Variants in RAD51B observed in about 807,000 individuals in gnomAD.
The protein encoded by RAD51B is DNA repair protein RAD51 homolog 2.
In RAD51B, 38 loss-of-function variants were observed where a neutral mutation model predicts 42.2. The ratio of observed to expected loss-of-function variants is 0.90; its 90% CI spans 0.70 to 1.18. The LOEUF (loss-of-function observed/expected upper bound fraction) is 1.18, where lower values mean the gene tolerates loss of function less well. Among genes scored for constraint, RAD51B ranks in the 50% most tolerant of loss-of-function variants. The probability of loss-of-function intolerance (pLI) is 0.00; values close to 1 mark genes in which losing one functional copy is unlikely to be tolerated. For synonymous variants in RAD51B, 154 were observed against 145.2 expected (o/e 1.06, Z -0.43); for missense variants, 373 against 400.7 (o/e 0.93, Z 0.59).
At chr14:68,406,415 A>G (rs1185297324) in intron 8 of RAD51B, among the ~76,000 whole-genome samples, 2 of 148,952 alleles carry the variant, frequency 1.3e-5, no homozygotes, top group African/African-American at 5.2e-5. Flanking sequence ...GGAACACAGT[A>G]GTAAGTATTT....
exon 11 of RAD51B, chr14:68,595,581 T>C: frequency 9.4e-7 from 1 of 1,066,662 alleles, no homozygotes; most frequent in Non-Finnish European, 1.1e-6. Context: ...AAGTGACTTA[T>C]GACCAGAACA....
intron 7 of RAD51B, among the ~76,000 whole-genome samples, chr14:67,931,691 A>G (rs974628319): frequency 7.9e-5 from 12 of 151,522 alleles, no homozygotes; most frequent in African/African-American, 2.7e-4. Context: ...TTTAGTAGAG[A>G]TGGGTTTCAC....
intron 4 of RAD51B, among the ~76,000 whole-genome samples, chr14:67,864,616 T>C (rs78320382): frequency 0.039 from 5,981 of 152,308 alleles, 303 homozygotes; most frequent in African/African-American, 0.12. Context: ...TTAAAGACTC[T>C]TAAATATTTT....
At chr14:68,153,854 C>A (rs1192140776) in intron 7 of RAD51B, among the ~76,000 whole-genome samples, 1 of 152,162 alleles carries the variant, frequency 6.6e-6, no homozygotes, top group East Asian at 1.9e-4. Flanking sequence ...GAAACTCACA[C>A]ACTATGAGGT....
chr14:68,020,161 G>A (rs1024526675), intron 7 of RAD51B, among the ~76,000 whole-genome samples: 2 of 152,104 alleles, frequency 1.3e-5, no homozygotes, highest in Non-Finnish European at 2.9e-5. Context: ...CTAGACTGGA[G>A]TACAATGGTG....
chr14:68,662,524 T>C (rs947496356), intron 11 of RAD51B, among the ~76,000 whole-genome samples: 2 of 152,184 alleles, frequency 1.3e-5, no homozygotes, highest in South Asian at 4.1e-4. Context: ...CTGACATCCA[T>C]CTGTTTGTTA....
chr14:68,561,626 G>A (rs1055962623), intron 10 of RAD51B, among the ~76,000 whole-genome samples: 1 of 152,204 alleles, frequency 6.6e-6, no homozygotes, highest in Admixed American at 6.5e-5. Context: ...GCTTCTCAGG[G>A]ACCAGCAGCG....
intron 8 of RAD51B, among the ~76,000 whole-genome samples, chr14:68,314,577 T>A (rs1278534042): frequency 6.6e-6 from 1 of 152,156 alleles, no homozygotes; most frequent in Non-Finnish European, 1.5e-5. Context: ...AGAGTAATAT[T>A]AACAAGACTT....
At chr14:68,508,033 G>A (rs143725082) in intron 10 of RAD51B, among the ~76,000 whole-genome samples, 328 of 152,338 alleles carry the variant, frequency 2.2e-3, no homozygotes, top group African/African-American at 7.6e-3. Flanking sequence ...GAAGCCAGAG[G>A]TGTCGTGCTA....
At chr14:68,270,812 A>T (rs2081090509) in intron 7 of RAD51B, among the ~76,000 whole-genome samples, 1 of 150,958 alleles carries the variant, frequency 6.6e-6, no homozygotes, top group African/African-American at 2.4e-5. Context: ...CTATGTGTGT[A>T]TTTTTTTTTA....
At chr14:68,113,288 C>T (rs187392908) in intron 7 of RAD51B, among the ~76,000 whole-genome samples, 2 of 151,920 alleles carry the variant, frequency 1.3e-5, no homozygotes, top group African/African-American at 2.4e-5. Flanking sequence ...TTTTACCCAT[C>T]GAAGAAAACA....
At chr14:68,032,646 T>C (rs2076065143) in intron 7 of RAD51B, among the ~76,000 whole-genome samples, 1 of 152,210 alleles carries the variant, frequency 6.6e-6, no homozygotes, top group South Asian at 2.1e-4. Context: ...GGCACTATCA[T>C]CTCACACAGT....
chr14:67,939,861 G>A (rs1204855208), intron 7 of RAD51B, among the ~76,000 whole-genome samples: 2 of 150,230 alleles, frequency 1.3e-5, no homozygotes, highest in East Asian at 1.9e-4. Flanking sequence ...AATTTTGGGA[G>A]GACACAAACA....
At chr14:68,216,210 G>C (rs1196015236) in intron 7 of RAD51B, among the ~76,000 whole-genome samples, 1 of 152,228 alleles carries the variant, frequency 6.6e-6, no homozygotes, top group Non-Finnish European at 1.5e-5. Flanking sequence ...CTTCCTAAAA[G>C]AGGGACTTTA....
intron 11 of RAD51B, among the ~76,000 whole-genome samples, chr14:68,667,286 G>A (rs1362885383): frequency 2.6e-5 from 4 of 152,190 alleles, no homozygotes; most frequent in African/African-American, 9.7e-5. Context: ...CTGAAACTCA[G>A]GCAGAATTTC....
rs1394011444 is a variant in RAD51B, at chr14:68,592,786, G to C, written c.1037-1699G>C. Among the ~76,000 whole-genome samples the C allele has an allele frequency of 7.2e-5, 11 of 152,318 alleles. No homozygotes were observed. The East Asian group carries it at 1.9e-3, about 27-fold the overall frequency. On this transcript the variant is annotated intron_variant, in intron 10 of 10. Coordinates refer to the RAD51B transcript ENST00000487270. ...AGGAAACTGAGGCACAGAGCATTTT[G>C]GCATTGATTCCCTTCGGCAAATGTG...
chr14:68,579,028 G>A (rs544057569), intron 10 of RAD51B, among the ~76,000 whole-genome samples: 1 of 152,232 alleles, frequency 6.6e-6, no homozygotes, highest in African/African-American at 2.4e-5. Context: ...TAAAGAGGTA[G>A]GACACACAGT....
chr14:68,198,413 T>C (rs889101176), intron 7 of RAD51B, among the ~76,000 whole-genome samples: 2 of 152,196 alleles, frequency 1.3e-5, no homozygotes, highest in Non-Finnish European at 2.9e-5. Flanking sequence ...AAATCAATTT[T>C]TTTGGTATAA....
chr14:68,682,910 CTTTTTTTTTTT>C, intron 11 of RAD51B: 3 of 698,226 alleles, frequency 4.3e-6, no homozygotes, highest in Non-Finnish European at 4.9e-6. Context: ...TAGCTTATGG[CTTTTTTTTTTT>C]TTTTTTTTTG....
Sources: gnomAD v4.1 joint callset for allele counts (sites outside exome capture counted in the v4.1 genomes callset) on GRCh38, gnomAD v4.1.1 for gene constraint, MANE v1.5 for transcripts, NCBI Gene and HGNC (gene_info 2026-07-23, HGNC 2026-07-21) for gene names.